The following NRXN3 variants were observed in gnomAD, a reference collection of about 807,000 sequenced individuals.
The protein encoded by NRXN3 is neurexin 3.
A neutral mutation model predicts 137.6 loss-of-function variants in NRXN3; 32 were observed. The ratio of observed to expected loss-of-function variants is 0.23; its 90% CI spans 0.18 to 0.31. NRXN3 has a LOEUF of 0.31. Ranked by LOEUF, NRXN3 falls within the 10% of genes least tolerant of loss-of-function variation. The probability of loss-of-function intolerance (pLI) is 1.00; values close to 1 mark genes in which losing one functional copy is unlikely to be tolerated. For synonymous variants in NRXN3, 798 were observed against 784.5 expected, an observed-to-expected ratio of 1.02 and a Z score of -0.29; for missense variants, 1,574 against 2,062.5, an observed-to-expected ratio of 0.76 and a Z score of 4.59.
chr14:78,601,257 TAAAA>T (rs200942003), intron 4 of NRXN3, among the ~76,000 whole-genome samples: 1 of 151,666 alleles, frequency 6.6e-6, no homozygotes, highest in African/African-American at 2.4e-5. Context: ...ACTTTTGGCT[TAAAA>T]AAAAATCCAT....
intron 15 of NRXN3, among the ~76,000 whole-genome samples, chr14:79,188,117 A>G (rs2063753728): frequency 6.6e-6 from 1 of 152,246 alleles, no homozygotes; most frequent in Non-Finnish European, 1.5e-5. Flanking sequence ...AAACATCTGT[A>G]ACATGCTTTG....
In NRXN3 at chr14:79,606,053, T is replaced by C. The variant is rs1243718505; in HGVS notation, c.3445-57725T>C. On this transcript the variant is annotated intron_variant, in intron 16 of 20. Transcript: ENST00000335750. Reference sequence around the variant, plus strand: ...TTGAAGCAGTTGTTTTCTCTGGAATTAGCTAATGAGGCTCTCTTTGTTTGA... The same window carrying C: ...TTGAAGCAGTTGTTTTCTCTGGAATCAGCTAATGAGGCTCTCTTTGTTTGA... Among the ~76,000 whole-genome samples the C allele has an allele frequency of 2.0e-5, 3 of 152,256 alleles. No homozygotes were observed. The East Asian group carries it at 5.8e-4, about 29-fold the overall frequency.
At chr14:78,718,284 G>A (rs2098443537) in intron 8 of NRXN3, among the ~76,000 whole-genome samples, 1 of 152,118 alleles carries the variant, frequency 6.6e-6, no homozygotes, top group African/African-American at 2.4e-5. Flanking sequence ...GAACTTCCTT[G>A]GGGGTGAGTC....
chr14:78,212,814 A>G (rs1250065510), intron 1 of NRXN3, among the ~76,000 whole-genome samples: 1 of 152,214 alleles, frequency 6.6e-6, no homozygotes, highest in East Asian at 1.9e-4. Context: ...TCAATTAGAT[A>G]TATTTTTACT....
chr14:78,224,552 T>G lies in NRXN3; in HGVS notation c.-703-17839T>G, dbSNP rs368347057. Reference sequence around the variant, plus strand: ...TTGGTTTTTTGTCCTTGTGATAGTTTACTGAGAATGATGATTTCCAGTTTC... The same window carrying G: ...TTGGTTTTTTGTCCTTGTGATAGTTGACTGAGAATGATGATTTCCAGTTTC... On this transcript the variant is annotated intron_variant, in intron 1 of 20. Transcript: ENST00000335750. 6.6e-5 allele frequency among the ~76,000 whole-genome samples: 10 copies of G among 152,184 alleles called. No individual in the cohort carries two copies. In the East Asian group the frequency reaches 1.9e-3, roughly 30 times the overall value.
intron 4 of NRXN3, among the ~76,000 whole-genome samples, chr14:78,310,260 CTTTTTTTTTTTT>C (rs201314931): frequency 1.6e-5 from 2 of 125,706 alleles, no homozygotes; most frequent in African/African-American, 6.1e-5. Context: ...TTATGAATGG[CTTTTTTTTTTTT>C]TTTTTTTTTT....
intron 10 of NRXN3, among the ~76,000 whole-genome samples, chr14:78,872,120 T>C (rs973743415): frequency 2.0e-5 from 3 of 151,754 alleles, no homozygotes; most frequent in Non-Finnish European, 2.9e-5. Context: ...GTGCTATTTT[T>C]ATTTTGATGT....
chr14:78,790,693 G>C (rs113298650), intron 8 of NRXN3, among the ~76,000 whole-genome samples: 2,945 of 152,252 alleles, frequency 0.019, 49 homozygotes, highest in East Asian at 0.076. Context: ...GTGTCTTGAA[G>C]GTACAGAAAG....
chr14:78,372,683 TGC>T (rs2087082960), intron 4 of NRXN3, among the ~76,000 whole-genome samples: 1 of 152,184 alleles, frequency 6.6e-6, no homozygotes, highest in African/African-American at 2.4e-5. Context: ...CTCCATCACT[TGC>T]AACATATTGG....
chr14:78,207,143 T>G (rs1595907083), intron 1 of NRXN3, among the ~76,000 whole-genome samples: 1 of 152,090 alleles, frequency 6.6e-6, no homozygotes, highest in Non-Finnish European at 1.5e-5. Context: ...GGATTACAGG[T>G]GTGAACCACC....
Position 78,374,104 on chromosome 14 carries a change from C to A in NRXN3, c.757+76244C>A, listed in dbSNP as rs114256251. On this transcript the variant is annotated intron_variant, in intron 4 of 20. Transcript: ENST00000335750. ...TCCTAACACTTCCCACATATAGATA[C>A]GTGTTTAGTGACAGTGGGCATTAGA... 5.2e-3 allele frequency among the ~76,000 whole-genome samples: 786 copies of A among 152,208 alleles called. 5 individuals are homozygous for A. Among genetic ancestry groups the A allele is most frequent in the African/African-American group, 0.018 (750 of 41,530 alleles).
At chr14:78,476,096 T>A (rs1359948247) in intron 4 of NRXN3, among the ~76,000 whole-genome samples, 2 of 152,184 alleles carry the variant, frequency 1.3e-5, no homozygotes, top group Non-Finnish European at 2.9e-5. Context: ...TATAATAATT[T>A]GACAAATCCA....
chr14:78,403,855 G>T, intron 4 of NRXN3: 1 of 985,386 alleles, frequency 1.0e-6, no homozygotes, highest in Non-Finnish European at 1.2e-6. Context: ...CATTCCTGCA[G>T]TGAAATTAAC....
Position 79,493,973 on chromosome 14 carries a change from A to C in NRXN3, c.3444+26571A>C, listed in dbSNP as rs17109294. On this transcript the variant is annotated intron_variant, in intron 16 of 20. Coordinates refer to ENST00000335750, the MANE Select transcript of NRXN3 (RefSeq NM_001330195.2). ...TCTCTGTCAGACTTTAAGTTCCTTG[A>C]ATATAGGGTCCTAGTCTTCTTGCCC... Among the ~76,000 whole-genome samples the C allele has an allele frequency of 4.8e-4, 73 of 152,288 alleles. 1 individual carries two copies. In the East Asian group the frequency reaches 0.011, roughly 24 times the overall value.
At chr14:79,386,873 T>C (rs1382904064) in intron 15 of NRXN3, among the ~76,000 whole-genome samples, 1 of 152,230 alleles carries the variant, frequency 6.6e-6, no homozygotes, top group East Asian at 1.9e-4. Context: ...ATTTAATAAA[T>C]GGTGCTGGGA....
Position 79,349,076 on chromosome 14 carries a change from G to A in NRXN3, c.3263-118145G>A, listed in dbSNP as rs149996154. On this transcript the variant is annotated intron_variant, in intron 15 of 20. Transcript: ENST00000335750. ...TAAATTAGCATGGATTGCCATGAAA[G>A]TGAAAGGAGTAAATTGCTTTATGGA... Among the ~76,000 whole-genome samples the A allele has an allele frequency of 2.5e-3, 378 of 152,270 alleles. 2 individuals are homozygous for A. Among genetic ancestry groups the A allele is most frequent in the African/African-American group, 8.9e-3 (368 of 41,570 alleles).
intron 15 of NRXN3, among the ~76,000 whole-genome samples, chr14:79,227,083 C>T (rs1597493668): frequency 6.6e-6 from 1 of 151,872 alleles, no homozygotes; most frequent in African/African-American, 2.4e-5. Flanking sequence ...CTCCCAAAGT[C>T]CTGGAATTAC....
chr14:79,053,149 G>C (rs1188663241), intron 15 of NRXN3, among the ~76,000 whole-genome samples: 2 of 152,180 alleles, frequency 1.3e-5, no homozygotes, highest in Non-Finnish European at 2.9e-5. Context: ...ATTCTCATGT[G>C]CATTACATTT....
At position 79,317,904 on chromosome 14, in the gene NRXN3, C is replaced by T. The variant is rs1215956346; in HGVS notation, c.3263-149317C>T. Among the ~76,000 whole-genome samples, 3 of 152,014 alleles carry T rather than the reference C, an allele frequency of 2.0e-5. 1 individual carries two copies. The highest frequency in any genetic ancestry group is 2.0e-4 in the Admixed American group (3 of 15,260). ...TGGGCTGAATCCACAGAAAGTTTTA[C>T]TGATGGTGGTTCAGGGAATGTAAGC... On this transcript the variant is annotated intron_variant, in intron 15 of 20. Coordinates refer to ENST00000335750, the MANE Select transcript of NRXN3 (RefSeq NM_001330195.2).
Sources: allele counts gnomAD v4.1 joint callset (sites outside exome capture counted in the v4.1 genomes callset), GRCh38; gene constraint gnomAD v4.1.1; transcripts MANE v1.5; gene names NCBI Gene and HGNC (gene_info 2026-07-23, HGNC 2026-07-21).